AFF1: variants seen among roughly 807,000 people sequenced by gnomAD.
The protein encoded by AFF1 is ALF transcription elongation factor 1.
In AFF1, 48 loss-of-function variants were observed where a neutral mutation model predicts 121.7. That is an observed-to-expected ratio of 0.39 (90% CI 0.31 to 0.50). The LOEUF (loss-of-function observed/expected upper bound fraction) is 0.50. Ranked by LOEUF, AFF1 falls within the 20% of genes least tolerant of loss-of-function variation. AFF1 has a pLI of 0.76. For synonymous variants in AFF1, 613 were observed against 563.0 expected, an observed-to-expected ratio of 1.09 and a Z score of -1.26; for missense variants, 1,523 against 1,511.7, an observed-to-expected ratio of 1.01 and a Z score of -0.12.
chr4:86,948,602 G>T (rs1721035321), intron 2 of AFF1, 31 bp downstream of exon 2: 5 of 1,525,568 alleles, frequency 3.3e-6, no homozygotes, highest in Middle Eastern at 3.4e-4. Flanking sequence ...TCAAAGACAT[G>T]CTGATATTTA....
Position 86,985,214 on chromosome 4 carries a change from T to TATATATATATAA in AFF1, c.38+36644_38+36645insTATATATATAAA, listed in dbSNP as rs1277485096. On this transcript the variant is annotated intron_variant, in intron 2 of 20. Coordinates refer to ENST00000395146, the MANE Select transcript of AFF1 (RefSeq NM_001166693.3). ...ATATATATATATATATATATATATA[T>TATATATATATAA]AAAATTATATTTTAGGCCGGGCAGA... 1.3e-3 allele frequency among the ~76,000 whole-genome samples: 131 copies of TATATATATATAA among 104,478 alleles called. 1 individual carries two copies. The highest frequency in any genetic ancestry group is 3.9e-3 in the African/African-American group (116 of 29,976). 68.5% of individuals were successfully genotyped at this position (104,478 alleles called of 152,430 possible).
intron 12 of AFF1, among the ~76,000 whole-genome samples, chr4:87,116,196 A>G (rs907793511): frequency 3.3e-5 from 5 of 152,230 alleles, no homozygotes; most frequent in African/African-American, 4.8e-5. Flanking sequence ...AGTGTTGACC[A>G]TATCATTTTA....
chr4:87,037,992 AAATTAT>A (rs150892501), intron 2 of AFF1, among the ~76,000 whole-genome samples: 63,746 of 151,428 alleles, frequency 0.42, 16,018 homozygotes, highest in South Asian at 0.65. Context: ...ATACTATAAT[AAATTAT>A]AATAAGACTG....
intron 16 of AFF1, among the ~76,000 whole-genome samples, chr4:87,129,192 C>A (rs1728577737): frequency 6.6e-6 from 1 of 152,192 alleles, no homozygotes; most frequent in Admixed American, 6.5e-5. Context: ...CCAGCTTGGA[C>A]AGTAAGCCCC....
chr4:86,983,947 G>C (rs978023875), intron 2 of AFF1, among the ~76,000 whole-genome samples: 1 of 151,536 alleles, frequency 6.6e-6, no homozygotes, highest in Non-Finnish European at 1.5e-5. Flanking sequence ...TGAGGCAGGA[G>C]AATGGTGTGA....
chr4:87,088,930 A>G (rs1186674645), intron 5 of AFF1, among the ~76,000 whole-genome samples: 2 of 152,022 alleles, frequency 1.3e-5, no homozygotes, highest in African/African-American at 4.8e-5. Context: ...TTTTTAGTAG[A>G]TATGGGGTTT....
intron 3 of AFF1, 103 bp from the exon 4 acceptor site, chr4:87,046,592 A>T (rs1730715127): frequency 8.0e-7 from 1 of 1,257,664 alleles, no homozygotes; most frequent in African/African-American, 1.5e-5. Context: ...CATGTCGTAC[A>T]TTAAGTTCGG....
chr4:87,011,272 A>G (rs1726731425), intron 2 of AFF1, among the ~76,000 whole-genome samples: 1 of 152,142 alleles, frequency 6.6e-6, no homozygotes, highest in Admixed American at 6.5e-5. Context: ...GCAGTAGGAA[A>G]GTATGTTCAG....
chr4:86,949,829 C>T (rs549820197), intron 2 of AFF1: 17 of 1,613,846 alleles, frequency 1.1e-5, no homozygotes, highest in East Asian at 2.2e-5. Flanking sequence ...GAAACCGATC[C>T]AGGACCCCAC....
chr4:87,091,886 T>G, intron 7 of AFF1, 57 bp downstream of exon 7: 4 of 1,310,184 alleles, frequency 3.1e-6, no homozygotes, highest in Non-Finnish European at 4.2e-6. Flanking sequence ...CTTTTACTGT[T>G]TAACGTAAAA....
chr4:86,964,595 C>T (rs775665812), intron 2 of AFF1, among the ~76,000 whole-genome samples: 5 of 151,818 alleles, frequency 3.3e-5, no homozygotes, highest in South Asian at 2.1e-4. Context: ...CCACTATGCC[C>T]GGCTAATTTT....
intron 13 of AFF1, among the ~76,000 whole-genome samples, chr4:87,125,846 G>A (rs1474583752): frequency 1.3e-5 from 2 of 152,140 alleles, no homozygotes; most frequent in Admixed American, 1.3e-4. Context: ...GCAGGCGTTC[G>A]GAATGGTTGG....
intron 4 of AFF1, among the ~76,000 whole-genome samples, chr4:87,077,333 G>A (rs1176044196): frequency 6.6e-6 from 1 of 152,122 alleles, no homozygotes; most frequent in Non-Finnish European, 1.5e-5. Flanking sequence ...CGTGTATTAC[G>A]TAGGGTGTGC....
chr4:86,953,826 TCTC>T (rs1195424763), intron 2 of AFF1, among the ~76,000 whole-genome samples: 1 of 152,000 alleles, frequency 6.6e-6, no homozygotes. Context: ...TTCAAGCGAT[TCTC>T]CTGCTTCAGC....
chr4:87,119,238 A>G (rs1324813048), intron 12 of AFF1, among the ~76,000 whole-genome samples: 2 of 152,078 alleles, frequency 1.3e-5, no homozygotes, highest in African/African-American at 2.4e-5. Flanking sequence ...AAGAACCACA[A>G]TATATACAGT....
chr4:87,042,871 T>C (rs1053075016), intron 2 of AFF1, among the ~76,000 whole-genome samples: 1 of 152,242 alleles, frequency 6.6e-6, no homozygotes, highest in African/African-American at 2.4e-5. Flanking sequence ...ATTTTCAGTA[T>C]TTTGGAATGA....
intron 2 of AFF1, chr4:86,949,825 G>T: frequency 6.2e-7 from 1 of 1,614,012 alleles, no homozygotes; most frequent in Non-Finnish European, 8.5e-7. Flanking sequence ...TGGCGAAACC[G>T]ATCCAGGACC....
At chr4:86,982,841 CTGTCTCCAAA>C in intron 2 of AFF1, among the ~76,000 whole-genome samples, 1 of 87,502 alleles carries the variant, frequency 1.1e-5, no homozygotes, top group Non-Finnish European at 2.1e-5. Context: ...GAGTAAGACT[CTGTCTCCAAA>C]AAAAAAAAAA....
intron 2 of AFF1, among the ~76,000 whole-genome samples, chr4:86,993,951 C>T (rs1274052672): frequency 3.3e-5 from 5 of 151,590 alleles, no homozygotes; most frequent in Admixed American, 1.3e-4. Flanking sequence ...GGAGACAGAG[C>T]GAGACTCCGT....
Sources: allele counts gnomAD v4.1 joint callset (sites outside exome capture counted in the v4.1 genomes callset), GRCh38; gene constraint gnomAD v4.1.1; transcripts MANE v1.5; gene names NCBI Gene and HGNC (gene_info 2026-07-23, HGNC 2026-07-21).